The following OLFM2 variants were observed in gnomAD, a reference collection of about 807,000 sequenced individuals.
OLFM2 encodes noelin-2.
A neutral mutation model predicts 43.9 loss-of-function variants in OLFM2; 20 were observed. The observed-to-expected ratio is 0.46, with a 90% CI of 0.32 to 0.66. OLFM2 has a LOEUF of 0.66. OLFM2 is among the 30% of genes least tolerant of loss of function. The pLI, the probability that OLFM2 is intolerant of heterozygous loss-of-function variation, is 0.04. For missense variants in OLFM2, 416 were observed against 643.6 expected (o/e 0.65, Z 3.83); for synonymous variants, 268 against 278.6 (o/e 0.96, Z 0.38).
intron 1 of OLFM2, among the ~76,000 whole-genome samples, chr19:9,897,468 A>C (rs965777050): frequency 6.6e-6 from 1 of 152,166 alleles, no homozygotes; most frequent in Non-Finnish European, 1.5e-5. Flanking sequence ...ACTGCACTCC[A>C]GCCTGGACGA....
At chr19:9,875,440 G>A (rs925896121) in intron 1 of OLFM2, among the ~76,000 whole-genome samples, 4 of 151,832 alleles carry the variant, frequency 2.6e-5, no homozygotes, top group Admixed American at 2.0e-4. Flanking sequence ...TTAGAACCTC[G>A]CCAATTTGCT....
chr19:9,905,038 G>T (rs2046773369), intron 1 of OLFM2, among the ~76,000 whole-genome samples: 1 of 151,534 alleles, frequency 6.6e-6, no homozygotes, highest in Non-Finnish European at 1.5e-5. Context: ...AAAAAAAGTT[G>T]AGGCCAGGCA....
At position 9,936,296 on chromosome 19, in the gene OLFM2, G is replaced by A. The variant is rs893707714; in HGVS notation, c.63+8C>T. 5.2e-6 allele frequency: 8 copies of A among 1,527,958 alleles called. No individual in the cohort carries two copies. The African/African-American group carries it at 9.7e-5, about 19-fold the overall frequency. The allele number at this position is 1,527,958 out of a possible 1,614,324, so 94.7% of individuals were successfully genotyped here. A position where few individuals can be genotyped will look rare whatever the true frequency, so the allele number is the denominator to read the frequency against. The stretch of plus-strand genomic sequence containing the variant: ...ACCCGCGCCCGCACCTGCCCGCCGG[G>A]CCCCTACCTGTCCGGCCAGGCCTGA... On this transcript the variant is annotated splice_region_variant and intron_variant, in intron 1 of 5. Coordinates refer to ENST00000264833, the MANE Select transcript of OLFM2 (RefSeq NM_058164.4).
intron 1 of OLFM2, among the ~76,000 whole-genome samples, chr19:9,862,158 C>T (rs781208620): frequency 6.6e-6 from 1 of 152,030 alleles, no homozygotes; most frequent in Non-Finnish European, 1.5e-5. Context: ...CTAGGAGAGA[C>T]GGACATCAAC....
chr19:9,870,486 C>T (rs764108604), intron 1 of OLFM2, among the ~76,000 whole-genome samples: 5 of 152,166 alleles, frequency 3.3e-5, no homozygotes, highest in Non-Finnish European at 7.4e-5. Flanking sequence ...TATAACCTGG[C>T]AGCAGGGGAG....
intron 1 of OLFM2, among the ~76,000 whole-genome samples, chr19:9,897,018 C>T (rs1394816364): frequency 6.6e-6 from 1 of 151,860 alleles, no homozygotes; most frequent in African/African-American, 2.4e-5. Context: ...ATAGCGAGAC[C>T]CTGTCTCTAC....
chr19:9,907,992 G>A (rs576390215), intron 1 of OLFM2, among the ~76,000 whole-genome samples: 104 of 152,122 alleles, frequency 6.8e-4, no homozygotes, highest in Middle Eastern at 3.4e-3. Flanking sequence ...GCAACAGGGT[G>A]AGACTTGATC....
At chr19:9,877,933 G>A (rs1269663451) in intron 1 of OLFM2, among the ~76,000 whole-genome samples, 2 of 152,072 alleles carry the variant, frequency 1.3e-5, no homozygotes, top group Non-Finnish European at 2.9e-5. Flanking sequence ...ACTCATCACA[G>A]TCTCAACATT....
chr19:9,873,856 T>C (rs2046463660), intron 1 of OLFM2, among the ~76,000 whole-genome samples: 1 of 131,304 alleles, frequency 7.6e-6, no homozygotes, highest in African/African-American at 2.9e-5. Context: ...TCACTATGTT[T>C]CCCAAGCTAG....
intron 1 of OLFM2, among the ~76,000 whole-genome samples, chr19:9,933,014 C>G (rs191421926): frequency 6.6e-6 from 1 of 152,100 alleles, no homozygotes; most frequent in African/African-American, 2.4e-5. Flanking sequence ...CATCTCCCCG[C>G]GACCTCTCCA....
intron 1 of OLFM2, among the ~76,000 whole-genome samples, chr19:9,921,441 A>T (rs1346776375): frequency 6.6e-6 from 1 of 152,012 alleles, no homozygotes; most frequent in African/African-American, 2.4e-5. Flanking sequence ...TTAAAATAGG[A>T]CACTAATAAG....
At chr19:9,919,789 ATTTTTTTTTT>A (rs750249042) in intron 1 of OLFM2, among the ~76,000 whole-genome samples, 1 of 90,574 alleles carries the variant, frequency 1.1e-5, no homozygotes, top group East Asian at 3.0e-4. Context: ...GACCACTGCC[ATTTTTTTTTT>A]TTTTTTTTTT....
At position 9,860,781 on chromosome 19, in the gene OLFM2, T is replaced by A. The variant is rs2046360828; in HGVS notation, c.77A>T (p.Asn26Ile). The change falls in exon 2 of 6, where the codon AAC (asparagine) becomes ATC (isoleucine). Residue 26 changes from asparagine to isoleucine, a missense_variant. Coordinates refer to ENST00000264833, the MANE Select transcript of OLFM2 (RefSeq NM_058164.4). ...GTACAGCTGCCAGCCCTCTTCTGGG[T>A]TCTGGAAGAGAGTCTGCAAAGAGGT... ...SGLAGQTLFQ[N>I]PEEGWQLYTS... The A allele has an allele frequency of 8.1e-6, 13 of 1,607,600 alleles. No homozygotes were observed. The highest frequency in any genetic ancestry group is 1.1e-5 in the Non-Finnish European group (13 of 1,178,294).
chr19:9,900,516 C>T (rs375749410), intron 1 of OLFM2, among the ~76,000 whole-genome samples: 1 of 152,186 alleles, frequency 6.6e-6, no homozygotes, highest in South Asian at 2.1e-4. Flanking sequence ...CTCTACCACG[C>T]ACTGCACCCT....
At chr19:9,901,913 T>C (rs958427738) in intron 1 of OLFM2, among the ~76,000 whole-genome samples, 6 of 152,218 alleles carry the variant, frequency 3.9e-5, no homozygotes, top group East Asian at 1.9e-4. Flanking sequence ...CTGTTGCCAA[T>C]GGCAATAAAC....
At position 9,857,558 on chromosome 19, in the gene OLFM2, A is replaced by G; in HGVS notation, c.361-76T>C. 4.5e-6 allele frequency: 7 copies of G among 1,570,230 alleles called. No individual in the cohort carries two copies. In the East Asian group the frequency reaches 1.1e-4, roughly 25 times the overall value. The stretch of plus-strand genomic sequence containing the variant: ...CAGACATGACTCCAACCTCTGACTC[A>G]TAACTTCACCCTTTGTCTTTGATGC... On this transcript the variant is annotated intron_variant, in intron 3 of 5. Transcript: ENST00000264833. The surrounding 1 kb of genome is among the most constrained non-coding windows in gnomAD (Gnocchi z 5.7).
At position 9,854,965 on chromosome 19, in the gene OLFM2, AT is replaced by A; in HGVS notation, c.688-103del. 1.1e-6 allele frequency: 1 copy of A among 880,386 alleles called. No homozygotes were observed. The allele number at this position is 880,386 out of a possible 1,614,324, so 54.5% of individuals were successfully genotyped here. On this transcript the variant is annotated intron_variant, in intron 5 of 5. Transcript: ENST00000264833. The surrounding 1 kb of genome is among the most constrained non-coding windows in gnomAD (Gnocchi z 9.5). ...AGAGTTCAACAGTCACTAAGTGGTC[AT>A]TAGTCATGGGAACTCTGTTGACCAT...
intron 1 of OLFM2, among the ~76,000 whole-genome samples, chr19:9,892,651 C>G (rs115091540): frequency 0.01 from 1,583 of 152,256 alleles, 23 homozygotes; most frequent in African/African-American, 0.036. Flanking sequence ...GCAGATGACG[C>G]CACTGCACTC....
intron 1 of OLFM2, among the ~76,000 whole-genome samples, chr19:9,922,934 A>T (rs1244823073): frequency 6.6e-6 from 1 of 151,698 alleles, no homozygotes; most frequent in African/African-American, 2.4e-5. Context: ...AAGAAAGAAA[A>T]AAAGAAAAGA....
Sources: allele counts gnomAD v4.1 joint callset (sites outside exome capture counted in the v4.1 genomes callset), GRCh38; gene constraint gnomAD v4.1.1; non-coding constraint Gnocchi (gnomAD v3.1); transcripts MANE v1.5; gene names NCBI Gene and HGNC (gene_info 2026-07-23, HGNC 2026-07-21).